The following SGCZ variants were observed in gnomAD, a reference collection of about 807,000 sequenced individuals.
SGCZ encodes the protein sarcoglycan zeta.
SGCZ carries 40 observed loss-of-function variants against 41.3 expected under a neutral mutation model. The ratio of observed to expected loss-of-function variants is 0.97; its 90% CI spans 0.75 to 1.26. The LOEUF is 1.26. Among genes scored for constraint, SGCZ ranks in the 50% most tolerant of loss-of-function variants. The pLI is 0.00. For missense variants in SGCZ, 552 were observed against 369.8 expected (o/e 1.49, Z -4.04); for synonymous variants, 206 against 137.5 (o/e 1.50, Z -3.49).
chr8:14,454,151 C>G (rs1298803849), intron 2 of SGCZ, among the ~76,000 whole-genome samples: 2 of 152,110 alleles, frequency 1.3e-5, no homozygotes, highest in African/African-American at 4.8e-5. Context: ...TTCAGATATT[C>G]TGTGTCAGAT....
At chr8:14,620,234 A>T (rs1303684191) in intron 1 of SGCZ, among the ~76,000 whole-genome samples, 1 of 152,174 alleles carries the variant, frequency 6.6e-6, no homozygotes, top group Non-Finnish European at 1.5e-5. Context: ...CTGGCTAGCC[A>T]TATGTAGAAA....
intron 3 of SGCZ, among the ~76,000 whole-genome samples, chr8:14,315,752 A>G (rs1801693781): frequency 6.6e-6 from 1 of 151,960 alleles, no homozygotes; most frequent in Non-Finnish European, 1.5e-5. Flanking sequence ...AAAAATGACA[A>G]TAAGTACATA....
At chr8:14,457,797 A>G (rs989808421) in intron 2 of SGCZ, among the ~76,000 whole-genome samples, 3 of 152,028 alleles carry the variant, frequency 2.0e-5, no homozygotes, top group Non-Finnish European at 2.9e-5. Flanking sequence ...ATTGGAGGTG[A>G]CTCACATTTT....
At chr8:14,654,648 T>C (rs1452904588) in intron 1 of SGCZ, among the ~76,000 whole-genome samples, 3 of 152,004 alleles carry the variant, frequency 2.0e-5, no homozygotes, top group Non-Finnish European at 2.9e-5. Flanking sequence ...CTCGGCTCAC[T>C]GAAACTACTG....
At chr8:14,338,814 A>G (rs1802592447) in intron 2 of SGCZ, among the ~76,000 whole-genome samples, 3 of 152,110 alleles carry the variant, frequency 2.0e-5, no homozygotes, top group Non-Finnish European at 4.4e-5. Flanking sequence ...TATTGATGCT[A>G]CAAATGTGTA....
chr8:14,487,626 C>T (rs1563361713), intron 2 of SGCZ: 1 of 152,328 alleles, frequency 6.6e-6, no homozygotes, highest in Admixed American at 6.5e-5. Context: ...TGGTTTAAAC[C>T]TATAATATTG....
chr8:15,095,068 T>C (rs1339149773), intron 1 of SGCZ, among the ~76,000 whole-genome samples: 1 of 152,218 alleles, frequency 6.6e-6, no homozygotes, highest in Non-Finnish European at 1.5e-5. Flanking sequence ...AATGCTTCTA[T>C]GTTGACTGTA....
intron 1 of SGCZ, among the ~76,000 whole-genome samples, chr8:15,053,901 A>C (rs1466464206): frequency 6.6e-6 from 1 of 152,202 alleles, no homozygotes; most frequent in African/African-American, 2.4e-5. Context: ...TCTGACACCA[A>C]AACCCAAAAT....
intron 1 of SGCZ, among the ~76,000 whole-genome samples, chr8:15,003,873 T>G (rs1289569587): frequency 6.6e-6 from 1 of 152,116 alleles, no homozygotes; most frequent in East Asian, 1.9e-4. Context: ...AATTTCTAAT[T>G]TAGAAACCCT....
chr8:14,601,976 C>A (rs917379306), intron 1 of SGCZ, among the ~76,000 whole-genome samples: 3 of 151,922 alleles, frequency 2.0e-5, no homozygotes, highest in South Asian at 4.1e-4. Flanking sequence ...AAAAATTAGC[C>A]GGGCCTGGTG....
intron 1 of SGCZ, among the ~76,000 whole-genome samples, chr8:14,838,207 A>G (rs999567982): frequency 6.6e-6 from 1 of 152,126 alleles, no homozygotes; most frequent in Non-Finnish European, 1.5e-5. Context: ...GTTAATGGGT[A>G]CAAAGATAGG....
intron 1 of SGCZ, among the ~76,000 whole-genome samples, chr8:14,674,198 T>C (rs1343830245): frequency 6.6e-6 from 1 of 152,136 alleles, no homozygotes; most frequent in Non-Finnish European, 1.5e-5. Flanking sequence ...TAAGAATCCC[T>C]TTTTCTTGTT....
At chr8:15,207,771 G>C (rs1346846411) in intron 1 of SGCZ, among the ~76,000 whole-genome samples, 1 of 152,080 alleles carries the variant, frequency 6.6e-6, no homozygotes, top group Non-Finnish European at 1.5e-5. Flanking sequence ...AGAAACCAGA[G>C]CTTTTTTATA....
intron 1 of SGCZ, among the ~76,000 whole-genome samples, chr8:14,648,235 G>T (rs939290608): frequency 1.8e-4 from 27 of 152,008 alleles, no homozygotes; most frequent in African/African-American, 6.3e-4. Flanking sequence ...AACAGATAGG[G>T]TTAGTACTAT....
chr8:14,288,850 G>A (rs79611603), intron 3 of SGCZ, among the ~76,000 whole-genome samples: 5,302 of 152,206 alleles, frequency 0.035, 303 homozygotes, highest in African/African-American at 0.12. Flanking sequence ...TTGGATGACT[G>A]TGAAAATGTT....
chr8:14,656,300 G>A (rs534543620), intron 1 of SGCZ, among the ~76,000 whole-genome samples: 2 of 151,846 alleles, frequency 1.3e-5, no homozygotes, highest in African/African-American at 2.4e-5. Context: ...GAAACAGCAA[G>A]ATTTGTTACA....
At chr8:15,235,366 A>G (rs945487422) in intron 1 of SGCZ, among the ~76,000 whole-genome samples, 3 of 152,252 alleles carry the variant, frequency 2.0e-5, no homozygotes, top group African/African-American at 7.2e-5. Context: ...GCTTGACTAC[A>G]TCTCCTCACT....
intron 1 of SGCZ, among the ~76,000 whole-genome samples, chr8:14,732,959 A>G (rs1242290179): frequency 6.6e-6 from 1 of 152,100 alleles, no homozygotes; most frequent in African/African-American, 2.4e-5. Flanking sequence ...TTGATTATAC[A>G]TTAGTTTATC....
intron 1 of SGCZ, among the ~76,000 whole-genome samples, chr8:15,083,096 G>A (rs1275268399): frequency 6.6e-6 from 1 of 152,074 alleles, no homozygotes; most frequent in Admixed American, 6.5e-5. Flanking sequence ...CCAGTACAAG[G>A]AGATAGATCT....
Sources: gnomAD v4.1 joint callset for allele counts (sites outside exome capture counted in the v4.1 genomes callset) on GRCh38, gnomAD v4.1.1 for gene constraint, MANE v1.5 for transcripts, NCBI Gene and HGNC (gene_info 2026-07-23, HGNC 2026-07-21) for gene names.